The following PREX2 variants were observed in gnomAD, a reference collection of about 807,000 sequenced individuals.
PREX2 encodes phosphatidylinositol-3,4,5-trisphosphate dependent Rac exchange factor 2, also known as phosphatidylinositol 3,4,5-trisphosphate-dependent Rac exchanger 2 protein.
In PREX2, 107 loss-of-function variants were observed where a neutral mutation model predicts 203.2. The ratio of observed to expected loss-of-function variants is 0.53; its 90% confidence interval spans 0.45 to 0.62. PREX2 has a LOEUF of 0.62. Among genes scored for constraint, PREX2 ranks in the 20% least tolerant of loss-of-function variants. PREX2 has a pLI of 0.00. For missense variants in PREX2, 1,777 were observed against 1,955.9 expected, an observed-to-expected ratio of 0.91 and a Z score of 1.72; for synonymous variants, 672 against 663.6, an observed-to-expected ratio of 1.01 and a Z score of -0.19.
intron 38 of PREX2, among the ~76,000 whole-genome samples, chr8:68,221,473 A>T (rs1812952251): frequency 6.6e-6 from 1 of 151,096 alleles, no homozygotes; most frequent in Admixed American, 6.6e-5. Context: ...TGTTGTGAGG[A>T]TTAAGTAAGT....
intron 13 of PREX2, among the ~76,000 whole-genome samples, chr8:68,070,108 G>A (rs1397630510): frequency 6.6e-6 from 1 of 150,682 alleles, no homozygotes; most frequent in Non-Finnish European, 1.5e-5. Context: ...AAATTATTTT[G>A]CCATTAGTTC....
chr8:67,987,741 C>T (rs142456073), intron 1 of PREX2, among the ~76,000 whole-genome samples: 145 of 152,324 alleles, frequency 9.5e-4, no homozygotes, highest in Non-Finnish European at 2.9e-4. Flanking sequence ...CTGTAATGCT[C>T]ACACTCCATC....
intron 33 of PREX2, among the ~76,000 whole-genome samples, chr8:68,143,663 C>A (rs1014461061): frequency 6.6e-6 from 1 of 152,074 alleles, no homozygotes; most frequent in African/African-American, 2.4e-5. Context: ...ATTCTTTTGA[C>A]AATGTCTTTT....
chr8:68,039,824 C>T (rs920551276), intron 7 of PREX2, among the ~76,000 whole-genome samples: 1 of 152,168 alleles, frequency 6.6e-6, no homozygotes, highest in African/African-American at 2.4e-5. Flanking sequence ...ATCTCTCCAT[C>T]ATCATTACTA....
intron 32 of PREX2, among the ~76,000 whole-genome samples, chr8:68,136,082 G>A (rs903870681): frequency 5.9e-5 from 9 of 152,164 alleles, no homozygotes; most frequent in African/African-American, 1.9e-4. Flanking sequence ...GTTGGGGGCA[G>A]GAAAATGAGG....
At chr8:68,006,534 C>T (rs1032387943) in intron 1 of PREX2, among the ~76,000 whole-genome samples, 1 of 152,150 alleles carries the variant, frequency 6.6e-6, no homozygotes, top group Non-Finnish European at 1.5e-5. Context: ...TGATCAGCTA[C>T]TATATGTCAT....
At chr8:68,064,963 A>G (rs1422555370) in intron 11 of PREX2, among the ~76,000 whole-genome samples, 1 of 152,188 alleles carries the variant, frequency 6.6e-6, no homozygotes, top group African/African-American at 2.4e-5. Flanking sequence ...AAACATTTGC[A>G]CTATGTTCCT....
chr8:67,982,165 T>G (rs978570210), intron 1 of PREX2, among the ~76,000 whole-genome samples: 1 of 152,142 alleles, frequency 6.6e-6, no homozygotes, highest in African/African-American at 2.4e-5. Flanking sequence ...ATGCGGTGGC[T>G]CACACCTGTA....
At position 67,976,485 on chromosome 8, in the gene PREX2, A is replaced by G. The variant is rs1479421116; in HGVS notation, c.141+23950A>G. ...GAGAGACAGAGACAGAGAGAGAGAGAGGGGAGAGAGACAGAGAGAGGGACA... is the reference window on the plus strand; with the variant it reads ...GAGAGACAGAGACAGAGAGAGAGAGGGGGGAGAGAGACAGAGAGAGGGACA... On this transcript the variant is annotated intron_variant, in intron 1 of 39. Transcript: ENST00000288368. 2.4e-4 allele frequency among the ~76,000 whole-genome samples: 34 copies of G among 139,948 alleles called. 1 individual carries two copies. Among genetic ancestry groups the G allele is most frequent in the Non-Finnish European group, 4.2e-4 (27 of 64,764 alleles). The allele number at this position is 139,948 out of a possible 152,430, so 91.8% of individuals were successfully genotyped here.
At position 67,973,449 on chromosome 8, in the gene PREX2, C is replaced by T. The variant is rs75666915; in HGVS notation, c.141+20914C>T. On this transcript the variant is annotated intron_variant, in intron 1 of 39. Coordinates refer to ENST00000288368, the MANE Select transcript of PREX2 (RefSeq NM_024870.4). Reference sequence around the variant, plus strand: ...AACATCTTGCTGATCTGCCTTTCTGCCTCTACTTATGTATGCTCTTCTTTC... The same window carrying T: ...AACATCTTGCTGATCTGCCTTTCTGTCTCTACTTATGTATGCTCTTCTTTC... 1.2e-3 allele frequency among the ~76,000 whole-genome samples: 187 copies of T among 152,254 alleles called. 2 individuals carry two copies. The highest frequency in any genetic ancestry group is 4.2e-3 in the African/African-American group (175 of 41,546).
At chr8:68,001,947 G>A (rs773863915) in intron 1 of PREX2, among the ~76,000 whole-genome samples, 6 of 152,054 alleles carry the variant, frequency 3.9e-5, no homozygotes, top group Admixed American at 6.6e-5. Flanking sequence ...ACTTGAGGGC[G>A]GAGGGTGGGA....
intron 6 of PREX2, among the ~76,000 whole-genome samples, chr8:68,032,655 G>A (rs978148989): frequency 6.6e-6 from 1 of 152,170 alleles, no homozygotes; most frequent in South Asian, 2.1e-4. Context: ...CTGTAAGGAC[G>A]CAGAGTCACA....
chr8:68,005,984 T>A (rs1807082262), intron 1 of PREX2, among the ~76,000 whole-genome samples: 1 of 152,258 alleles, frequency 6.6e-6, no homozygotes, highest in East Asian at 1.9e-4. Context: ...ATGCATTAGT[T>A]TCCCAGTGGG....
Position 68,151,588 on chromosome 8 carries a change from A to T in PREX2, c.4231+5236A>T, listed in dbSNP as rs538039748. ...TTCTACCTCTCAGGAATGTGGCATC[A>T]TATACAGGTCTTTGAATATATATAG... On this transcript the variant is annotated intron_variant, in intron 34 of 39. Transcript: ENST00000288368. 2.0e-5 allele frequency among the ~76,000 whole-genome samples: 3 copies of T among 152,268 alleles called. No individual in the cohort carries two copies. The South Asian group carries it at 6.2e-4, about 32-fold the overall frequency.
chr8:68,168,379 T>A (rs1020472509), intron 35 of PREX2, among the ~76,000 whole-genome samples: 27 of 152,204 alleles, frequency 1.8e-4, no homozygotes, highest in African/African-American at 6.5e-4. Flanking sequence ...GCTGACAAGA[T>A]GTTTTTAATA....
chr8:68,106,536 T>C (rs1407784394), intron 23 of PREX2, among the ~76,000 whole-genome samples: 2 of 152,190 alleles, frequency 1.3e-5, no homozygotes, highest in Non-Finnish European at 2.9e-5. Context: ...CTGAACTACA[T>C]AGCTTCTGAC....
rs75258891 is a variant in PREX2 at position 68,165,957 on chromosome 8, A to G, written c.4346+8521A>G. ...TTTCAAAAATAGGAAAGTATCTGCA[A>G]TGTTTTAAAGCATGCTGTGTAAAAC... On this transcript the variant is annotated intron_variant, in intron 35 of 39. Coordinates refer to ENST00000288368, the MANE Select transcript of PREX2 (RefSeq NM_024870.4). Among the ~76,000 whole-genome samples, 4 of 152,310 alleles carry G rather than the reference A, an allele frequency of 2.6e-5. No individual in the cohort carries two copies. In the East Asian group the frequency reaches 7.7e-4, roughly 29 times the overall value.
rs774906991 is a variant in PREX2 at position 68,097,209 on chromosome 8, C to T, written c.2553+8C>T. On this transcript the variant is annotated splice_region_variant and intron_variant, in intron 22 of 39. Transcript: ENST00000288368. ...TTCAGCTTAACTGCCAAGGTAGGAG[C>T]GATGCTGAAGAAATAAGATTTTTTG... 83 of 1,597,964 alleles carry T rather than the reference C, an allele frequency of 5.2e-5. No individual in the cohort carries two copies. Among genetic ancestry groups the T allele is most frequent in the Admixed American group, 8.6e-5 (5 of 58,160 alleles).
chr8:67,952,730 G>A (rs766239381), intron 1 of PREX2, 195 bp downstream of exon 1: 2 of 723,876 alleles, frequency 2.8e-6, no homozygotes, highest in South Asian at 1.6e-5. Context: ...TTGGTGCCCC[G>A]AGACTCACTG....
Sources: allele counts gnomAD v4.1 joint callset (sites outside exome capture counted in the v4.1 genomes callset), GRCh38; gene constraint gnomAD v4.1.1; transcripts MANE v1.5; gene names NCBI Gene and HGNC (gene_info 2026-07-23, HGNC 2026-07-21).